Variants in KIRREL3 observed in about 807,000 individuals in gnomAD.
KIRREL3 encodes the protein kin of IRRE-like protein 3.
In KIRREL3, 36 loss-of-function variants were observed where a neutral mutation model predicts 89.7. That is an observed-to-expected ratio of 0.40 (90% confidence interval 0.31 to 0.53). The LOEUF is 0.53. KIRREL3 is among the 20% of genes least tolerant of loss of function. The pLI is 0.49. For missense variants in KIRREL3, 864 were observed against 1,056.6 expected (o/e 0.82, Z 2.53); for synonymous variants, 445 against 441.4 (o/e 1.01, Z -0.10).
At chr11:126,630,899 C>T (rs150810801) in intron 1 of KIRREL3, among the ~76,000 whole-genome samples, 42 of 152,316 alleles carry the variant, frequency 2.8e-4, no homozygotes, top group East Asian at 1.9e-3. Flanking sequence ...CTTTCACAGA[C>T]GTCTCCCTTC....
chr11:126,471,486 G>A lies in KIRREL3; in HGVS notation c.591+1823C>T, dbSNP rs1473845124. Among the ~76,000 whole-genome samples the A allele has an allele frequency of 6.6e-6, 1 of 152,146 alleles. No homozygotes were observed. Among genetic ancestry groups the A allele is most frequent in the Non-Finnish European group, 1.5e-5 (1 of 68,032 alleles). On this transcript the variant is annotated intron_variant, in intron 5 of 16. Transcript: ENST00000525144. This position sits in a 1 kb window ranked among gnomAD's most constrained non-coding sequence, Gnocchi z 5.4. ...AAGGGGAGGCCCCAGGGTCAGTTGG[G>A]GCTGGGGTGGGAGGTGTGGGGAGAG...
In KIRREL3 at chr11:126,797,952, T is replaced by C. The variant is rs1281618496; in HGVS notation, c.55+202503A>G. Among the ~76,000 whole-genome samples the C allele has an allele frequency of 1.3e-5, 2 of 152,212 alleles. No homozygotes were observed. The highest frequency in any genetic ancestry group is 2.9e-5 in the Non-Finnish European group (2 of 68,028). ...GGACACTGCAAAGTAACACATGGGC[T>C]GTTTGTGCTTTTGCTAACTCCTGTG... is the stretch of plus-strand genomic sequence containing the variant. On this transcript the variant is annotated intron_variant, in intron 1 of 16. Transcript: ENST00000525144. The surrounding 1 kb of genome is among the most constrained non-coding windows in gnomAD (Gnocchi z 4.9).
intron 1 of KIRREL3, among the ~76,000 whole-genome samples, chr11:126,602,961 T>C (rs1361676397): frequency 1.3e-5 from 2 of 152,054 alleles, no homozygotes; most frequent in African/African-American, 4.8e-5. Flanking sequence ...CAAGAAGTAA[T>C]GATTGGAGGC....
chr11:126,845,945 A>G (rs185515514), intron 1 of KIRREL3, among the ~76,000 whole-genome samples: 317 of 152,280 alleles, frequency 2.1e-3, no homozygotes, highest in African/African-American at 7.0e-3. Context: ...TTGGGGGGAA[A>G]AAACACACAA....
At position 126,459,585 on chromosome 11, in the gene KIRREL3, A is replaced by G. The variant is rs141893354; in HGVS notation, c.743-3131T>C. Among the ~76,000 whole-genome samples, 41 of 152,330 alleles carry G rather than the reference A, an allele frequency of 2.7e-4. No individual in the cohort carries two copies. The highest frequency in any genetic ancestry group is 8.4e-4 in the African/African-American group (35 of 41,556). On this transcript the variant is annotated intron_variant, in intron 6 of 16. Transcript: ENST00000525144. This position sits in a 1 kb window ranked among gnomAD's most constrained non-coding sequence, Gnocchi z 4.8. ...AGTTTATGTCATATCCAACTATTAA[A>G]CATGATTTTAATCTCACTTGTGATG...
In KIRREL3 at chr11:126,715,396, A is replaced by G. The variant is rs953066314; in HGVS notation, c.56-152484T>C. ...CTGGCCAGCCTCTGAGGGGGTCTCC[A>G]AATTAAAATGCAAGTTTTAAGTCAG... is the stretch of plus-strand genomic sequence containing the variant. On this transcript the variant is annotated intron_variant, in intron 1 of 16. Transcript: ENST00000525144. This position sits in a 1 kb window ranked among gnomAD's most constrained non-coding sequence, Gnocchi z 4.4. 1.3e-5 allele frequency among the ~76,000 whole-genome samples: 2 copies of G among 152,186 alleles called. No homozygotes were observed. The highest frequency in any genetic ancestry group is 2.9e-5 in the Non-Finnish European group (2 of 68,036).
At chr11:126,893,948 G>C (rs1161600371) in intron 1 of KIRREL3, among the ~76,000 whole-genome samples, 1 of 152,140 alleles carries the variant, frequency 6.6e-6, no homozygotes, top group Non-Finnish European at 1.5e-5. Flanking sequence ...CGTGTGACTT[G>C]GTATTTCATG....
At position 126,778,558 on chromosome 11, in the gene KIRREL3, T is replaced by G. The variant is rs1321800587; in HGVS notation, c.56-215646A>C. Among the ~76,000 whole-genome samples the G allele has an allele frequency of 6.6e-6, 1 of 152,248 alleles. No individual in the cohort carries two copies. Among genetic ancestry groups the G allele is most frequent in the African/African-American group, 2.4e-5 (1 of 41,470 alleles). On this transcript the variant is annotated intron_variant, in intron 1 of 16. Transcript: ENST00000525144. The surrounding 1 kb of genome is among the most constrained non-coding windows in gnomAD (Gnocchi z 4.5). The stretch of plus-strand genomic sequence containing the variant: ...ACAACAATGCTGCGGTAAATACCCT[T>G]TTACTGAAATCTTTGCACACATCCC...
chr11:126,428,807 C>G lies in KIRREL3; in HGVS notation c.1806+372G>C, dbSNP rs1203664826. 6.6e-6 allele frequency among the ~76,000 whole-genome samples: 1 copy of G among 152,124 alleles called. No homozygotes were observed. Among genetic ancestry groups the G allele is most frequent in the African/African-American group, 2.4e-5 (1 of 41,420 alleles). On this transcript the variant is annotated intron_variant, in intron 15 of 16. Coordinates refer to ENST00000525144, the MANE Select transcript of KIRREL3 (RefSeq NM_032531.4). The surrounding 1 kb of genome is among the most constrained non-coding windows in gnomAD (Gnocchi z 6.4). ...GATTACAGGCGCCCGCCACCACGCC[C>G]AGCTAATTTTTGTATTTTTAGTAGA...
rs1052438628 is a variant in KIRREL3 at position 126,641,485 on chromosome 11, C to A, written c.56-78573G>T. ...ACCTGAGGTAAAAGGATACCTTTGA[C>A]ATTAGCAACAACAGGAAGGGAGAAA... is the stretch of plus-strand genomic sequence containing the variant. On this transcript the variant is annotated intron_variant, in intron 1 of 16. Transcript: ENST00000525144. This position sits in a 1 kb window ranked among gnomAD's most constrained non-coding sequence, Gnocchi z 5.0. Among the ~76,000 whole-genome samples, 3 of 152,176 alleles carry A rather than the reference C, an allele frequency of 2.0e-5. No homozygotes were observed. Among genetic ancestry groups the A allele is most frequent in the Non-Finnish European group, 2.9e-5 (2 of 68,038 alleles).
intron 1 of KIRREL3, among the ~76,000 whole-genome samples, chr11:126,816,881 C>T (rs1000580247): frequency 4.6e-5 from 7 of 152,128 alleles, no homozygotes; most frequent in African/African-American, 1.4e-4. Context: ...AAAAGGCACC[C>T]GGAAATGGCA....
In KIRREL3 at chr11:126,605,385, G is replaced by A. The variant is rs1013334773; in HGVS notation, c.56-42473C>T. ...AGCACCCATGGTCTCCAGGTCTCAG[G>A]CCACTTGGGTCTGGGATTTGAGGCT... On this transcript the variant is annotated intron_variant, in intron 1 of 16. Transcript: ENST00000525144. This position sits in a 1 kb window ranked among gnomAD's most constrained non-coding sequence, Gnocchi z 5.7. Among the ~76,000 whole-genome samples the A allele has an allele frequency of 1.3e-5, 2 of 152,184 alleles. No homozygotes were observed. Among genetic ancestry groups the A allele is most frequent in the Non-Finnish European group, 1.5e-5 (1 of 68,026 alleles).
At position 126,642,646 on chromosome 11, in the gene KIRREL3, G is replaced by A. The variant is rs1293766943; in HGVS notation, c.56-79734C>T. Among the ~76,000 whole-genome samples the A allele has an allele frequency of 6.6e-6, 1 of 152,222 alleles. No homozygotes were observed. The highest frequency in any genetic ancestry group is 2.4e-5 in the African/African-American group (1 of 41,450). ...AAAGAAGAAGTCCCATAAAGGTCAA[G>A]AGCATCTTACAGGAAAGGAAAGTGG... On this transcript the variant is annotated intron_variant, in intron 1 of 16. Transcript: ENST00000525144. The surrounding 1 kb of genome is among the most constrained non-coding windows in gnomAD (Gnocchi z 4.9).
rs1205790369 is a variant in KIRREL3, at chr11:126,872,782, T to C, written c.55+127673A>G. ...AATGAGAAAGTAAATTAGATACTGATCAGCTCTCCATTTCCATAGTGTGTT... is the reference window on the plus strand; with the variant it reads ...AATGAGAAAGTAAATTAGATACTGACCAGCTCTCCATTTCCATAGTGTGTT... On this transcript the variant is annotated intron_variant, in intron 1 of 16. Coordinates refer to ENST00000525144, the MANE Select transcript of KIRREL3 (RefSeq NM_032531.4). This position sits in a 1 kb window ranked among gnomAD's most constrained non-coding sequence, Gnocchi z 4.2. Among the ~76,000 whole-genome samples, 1 of 152,198 alleles carries C rather than the reference T, an allele frequency of 6.6e-6. No individual in the cohort carries two copies. The highest frequency in any genetic ancestry group is 1.5e-5 in the Non-Finnish European group (1 of 68,038).
At chr11:126,451,523 T>G (rs1428320319) in intron 7 of KIRREL3, among the ~76,000 whole-genome samples, 1 of 148,330 alleles carries the variant, frequency 6.7e-6, no homozygotes, top group Admixed American at 6.7e-5. Flanking sequence ...CATTTGTGAG[T>G]GGGTGCATGT....
At chr11:126,667,152 T>C (rs1250856846) in intron 1 of KIRREL3, among the ~76,000 whole-genome samples, 1 of 152,180 alleles carries the variant, frequency 6.6e-6, no homozygotes, top group African/African-American at 2.4e-5. Context: ...ACTTTGAAAG[T>C]CAAGAGTTAC....
In KIRREL3 at chr11:126,736,950, C is replaced by G. The variant is rs954377094; in HGVS notation, c.56-174038G>C. On this transcript the variant is annotated intron_variant, in intron 1 of 16. Coordinates refer to ENST00000525144, the MANE Select transcript of KIRREL3 (RefSeq NM_032531.4). The surrounding 1 kb of genome is among the most constrained non-coding windows in gnomAD (Gnocchi z 5.0). ...CCTACTTAGTTTTCCAGGGAGCCAG[C>G]AATTGGTTACATCAGAAAACTTTAT... Among the ~76,000 whole-genome samples, 3 of 152,178 alleles carry G rather than the reference C, an allele frequency of 2.0e-5. No homozygotes were observed. Among genetic ancestry groups the G allele is most frequent in the Non-Finnish European group, 4.4e-5 (3 of 68,032 alleles).
Position 126,970,922 on chromosome 11 carries a change from G to A in KIRREL3, c.55+29533C>T, listed in dbSNP as rs930120764. ...ACCACAAACAGAAGCACATGGCGGT[G>A]CTATGGCTTCTCCCCCACCCACCAG... On this transcript the variant is annotated intron_variant, in intron 1 of 16. Coordinates refer to ENST00000525144, the MANE Select transcript of KIRREL3 (RefSeq NM_032531.4). This position sits in a 1 kb window ranked among gnomAD's most constrained non-coding sequence, Gnocchi z 4.4. Among the ~76,000 whole-genome samples the A allele has an allele frequency of 6.6e-6, 1 of 152,184 alleles. No individual in the cohort carries two copies. The highest frequency in any genetic ancestry group is 1.5e-5 in the Non-Finnish European group (1 of 68,036).
In KIRREL3 at chr11:126,892,853, G is replaced by A. The variant is rs564693863; in HGVS notation, c.55+107602C>T. Among the ~76,000 whole-genome samples, 17 of 152,290 alleles carry A rather than the reference G, an allele frequency of 1.1e-4. No individual in the cohort carries two copies. The East Asian group carries it at 1.9e-3, about 17-fold the overall frequency. The stretch of plus-strand genomic sequence containing the variant: ...TCAAGAGAGGACAAAAGAGAGGCTC[G>A]GGTAGAGCTTATCTAGTGGATGAAC... On this transcript the variant is annotated intron_variant, in intron 1 of 16. Transcript: ENST00000525144. The surrounding 1 kb of genome is among the most constrained non-coding windows in gnomAD (Gnocchi z 5.4).
Sources: allele counts gnomAD v4.1 joint callset (sites outside exome capture counted in the v4.1 genomes callset), GRCh38; gene constraint gnomAD v4.1.1; non-coding constraint Gnocchi (gnomAD v3.1); transcripts MANE v1.5; gene names NCBI Gene and HGNC (gene_info 2026-07-23, HGNC 2026-07-21).